The following TAFA2 variants were observed in gnomAD, a reference collection of about 807,000 sequenced individuals.
TAFA2 encodes the protein chemokine-like protein TAFA-2.
A neutral mutation model predicts 18.8 loss-of-function variants in TAFA2; 7 were observed. The observed-to-expected ratio is 0.37, with a 90% CI of 0.21 to 0.70. The LOEUF is 0.70. TAFA2 is among the 30% of genes least tolerant of loss of function. The probability of loss-of-function intolerance (pLI) is 0.53; values close to 1 mark genes in which losing one functional copy is unlikely to be tolerated. For synonymous variants in TAFA2, 60 were observed against 54.2 expected (o/e 1.11, Z -0.47); for missense variants, 122 against 158.1 (o/e 0.77, Z 1.23).
chr12:61,833,464 GCT>G (rs1872795219), intron 2 of TAFA2, among the ~76,000 whole-genome samples: 1 of 151,804 alleles, frequency 6.6e-6, no homozygotes, highest in Non-Finnish European at 1.5e-5. Flanking sequence ...CTCAGTTCTT[GCT>G]CTCTCAGTTG....
intron 4 of TAFA2, among the ~76,000 whole-genome samples, chr12:61,712,728 A>C (rs1269736973): frequency 6.6e-6 from 1 of 152,186 alleles, no homozygotes; most frequent in Non-Finnish European, 1.5e-5. Flanking sequence ...TACTAATTTT[A>C]AAAATATCCT....
At chr12:61,902,612 C>A (rs1185599087) in intron 1 of TAFA2, among the ~76,000 whole-genome samples, 1 of 152,156 alleles carries the variant, frequency 6.6e-6, no homozygotes, top group Non-Finnish European at 1.5e-5. Flanking sequence ...ATGGTTATTG[C>A]AGCACCTCAG....
intron 2 of TAFA2, among the ~76,000 whole-genome samples, chr12:61,759,112 T>C (rs1284211697): frequency 1.3e-5 from 2 of 152,050 alleles, no homozygotes; most frequent in Non-Finnish European, 2.9e-5. Context: ...TTTTATTATA[T>C]GTTGAAAAAG....
chr12:62,216,462 T>C (rs2062736401), intron 1 of TAFA2, among the ~76,000 whole-genome samples: 1 of 152,202 alleles, frequency 6.6e-6, no homozygotes. Context: ...TAATATTTGG[T>C]TGCTGATTTT....
chr12:61,850,507 T>C (rs1445126159), intron 2 of TAFA2, among the ~76,000 whole-genome samples: 2 of 152,082 alleles, frequency 1.3e-5, no homozygotes, highest in East Asian at 3.8e-4. Flanking sequence ...GAATAAATGC[T>C]TTATTGTTTT....
intron 1 of TAFA2, among the ~76,000 whole-genome samples, chr12:61,955,646 T>A (rs1468950825): frequency 2.4e-4 from 15 of 61,786 alleles, no homozygotes; most frequent in East Asian, 2.1e-3. Context: ...TATATATATA[T>A]ATATATATAT....
intron 1 of TAFA2, among the ~76,000 whole-genome samples, chr12:61,968,895 G>A (rs945689559): frequency 1.3e-5 from 2 of 151,662 alleles, no homozygotes; most frequent in Non-Finnish European, 3.0e-5. Flanking sequence ...ATGTAAAACT[G>A]ACTGATTTCA....
At chr12:62,117,311 C>T (rs1218591654) in intron 1 of TAFA2, among the ~76,000 whole-genome samples, 1 of 151,944 alleles carries the variant, frequency 6.6e-6, no homozygotes, top group Non-Finnish European at 1.5e-5. Context: ...TGCATATGCC[C>T]TCATTATATT....
At chr12:61,832,265 T>C (rs1360107809) in intron 2 of TAFA2, among the ~76,000 whole-genome samples, 1 of 152,076 alleles carries the variant, frequency 6.6e-6, no homozygotes, top group Non-Finnish European at 1.5e-5. Context: ...CCTGCTTCCC[T>C]TGCAAAGCTC....
intron 1 of TAFA2, among the ~76,000 whole-genome samples, chr12:61,893,515 G>C (rs547537778): frequency 6.6e-6 from 1 of 152,262 alleles, no homozygotes; most frequent in East Asian, 1.9e-4. Context: ...GAAGATTCAG[G>C]AGTGAGAGGG....
intron 1 of TAFA2, among the ~76,000 whole-genome samples, chr12:61,950,793 C>T (rs568869338): frequency 6.6e-6 from 1 of 152,088 alleles, no homozygotes; most frequent in Non-Finnish European, 1.5e-5. Context: ...CTACACCCAG[C>T]ACCTATTATA....
At chr12:61,922,786 G>A (rs1017504832) in intron 1 of TAFA2, among the ~76,000 whole-genome samples, 10 of 152,194 alleles carry the variant, frequency 6.6e-5, no homozygotes, top group East Asian at 1.9e-4. Context: ...AAGCCAGGGA[G>A]CTGAGTGGTC....
chr12:62,223,060 C>G (rs1012846358), intron 1 of TAFA2, among the ~76,000 whole-genome samples: 4 of 152,102 alleles, frequency 2.6e-5, no homozygotes, highest in African/African-American at 9.7e-5. Flanking sequence ...TAGAAAGACT[C>G]AGCTGTATTA....
At chr12:62,100,422 A>G (rs1229955440) in intron 1 of TAFA2, among the ~76,000 whole-genome samples, 2 of 152,158 alleles carry the variant, frequency 1.3e-5, no homozygotes, top group Non-Finnish European at 2.9e-5. Flanking sequence ...TTGCTTCCAA[A>G]TACATGAAAA....
At chr12:62,136,990 C>T (rs904996065) in intron 1 of TAFA2, among the ~76,000 whole-genome samples, 1 of 152,246 alleles carries the variant, frequency 6.6e-6, no homozygotes, top group East Asian at 1.9e-4. Flanking sequence ...CCATCCTCCA[C>T]CCCCATCCCC....
chr12:62,088,447 C>T (rs776200056), intron 1 of TAFA2, among the ~76,000 whole-genome samples: 1 of 151,878 alleles, frequency 6.6e-6, no homozygotes, highest in African/African-American at 2.4e-5. Context: ...GTCCCCGGTC[C>T]TTCTGCTCAG....
chr12:61,713,743 G>A (rs1046632200), intron 4 of TAFA2, among the ~76,000 whole-genome samples: 2 of 152,048 alleles, frequency 1.3e-5, no homozygotes, highest in Non-Finnish European at 2.9e-5. Flanking sequence ...AACCTTTTAT[G>A]ATTTGTATGC....
intron 1 of TAFA2, among the ~76,000 whole-genome samples, chr12:62,175,527 T>C (rs1289344319): frequency 1.3e-5 from 2 of 152,210 alleles, no homozygotes; most frequent in Admixed American, 1.3e-4. Context: ...TTCTCTTTTT[T>C]TTGAAGCTAT....
intron 1 of TAFA2, among the ~76,000 whole-genome samples, chr12:62,130,531 T>C (rs1870639730): frequency 6.6e-6 from 1 of 151,904 alleles, no homozygotes; most frequent in African/African-American, 2.4e-5. Flanking sequence ...GGTAGGGAAA[T>C]GAATGAAAAT....
Sources: allele counts gnomAD v4.1 joint callset (sites outside exome capture counted in the v4.1 genomes callset), GRCh38; gene constraint gnomAD v4.1.1; transcripts MANE v1.5; gene names NCBI Gene and HGNC (gene_info 2026-07-23, HGNC 2026-07-21).